Variants in ASTN2 observed in about 807,000 individuals in gnomAD.
ASTN2 encodes the protein astrotactin-2.
In ASTN2, 54 loss-of-function variants were observed where a neutral mutation model predicts 139.8. The ratio of observed to expected loss-of-function variants is 0.39; its 90% CI spans 0.31 to 0.48. ASTN2 has a LOEUF of 0.48. Ranked by LOEUF, ASTN2 falls within the 20% of genes least tolerant of loss-of-function variation. ASTN2 has a pLI of 0.95. For synonymous variants in ASTN2, 756 were observed against 719.5 expected (o/e 1.05, Z -0.81); for missense variants, 1,565 against 1,725.1 (o/e 0.91, Z 1.64).
At position 117,396,053 on chromosome 9, in the gene ASTN2, G is replaced by A. The variant is rs540943802; in HGVS notation, c.442+18444C>T. On this transcript the variant is annotated intron_variant, in intron 1 of 22. Coordinates refer to ENST00000313400, the MANE Select transcript of ASTN2 (RefSeq NM_001365068.1). ...TAGTGTGGGGTGCCTCCCTAAGAAG[G>A]CCACCCCAAAGCATGAGGACATCAA... Among the ~76,000 whole-genome samples, 3 of 152,190 alleles carry A rather than the reference G, an allele frequency of 2.0e-5. No individual in the cohort carries two copies. The East Asian group carries it at 5.8e-4, about 29-fold the overall frequency.
chr9:116,572,629 C>T (rs1309231788), intron 19 of ASTN2, among the ~76,000 whole-genome samples: 6 of 152,142 alleles, frequency 3.9e-5, no homozygotes, highest in African/African-American at 1.2e-4. Flanking sequence ...CATAAGCCAA[C>T]AAAATGTGTG....
intron 10 of ASTN2, among the ~76,000 whole-genome samples, chr9:116,874,991 C>G (rs990324470): frequency 3.3e-5 from 5 of 152,098 alleles, no homozygotes; most frequent in African/African-American, 1.2e-4. Flanking sequence ...AAATATAAGG[C>G]CTCCCTGTTT....
chr9:117,088,771 A>C (rs1403405847), intron 5 of ASTN2, among the ~76,000 whole-genome samples: 1 of 152,202 alleles, frequency 6.6e-6, no homozygotes, highest in Non-Finnish European at 1.5e-5. Context: ...CTGGATTTCT[A>C]TAACTGGCTG....
intron 1 of ASTN2, among the ~76,000 whole-genome samples, chr9:117,308,994 C>T (rs1162721627): frequency 6.6e-6 from 1 of 152,216 alleles, no homozygotes; most frequent in African/African-American, 2.4e-5. Flanking sequence ...GCTTTTACCA[C>T]TATGGGCATT....
At chr9:117,378,253 G>A (rs377148452) in intron 1 of ASTN2, among the ~76,000 whole-genome samples, 13 of 152,198 alleles carry the variant, frequency 8.5e-5, no homozygotes, top group African/African-American at 2.4e-4. Context: ...GGGTCAGGGA[G>A]TAGATCCAGG....
intron 19 of ASTN2, among the ~76,000 whole-genome samples, chr9:116,587,088 C>T (rs892129068): frequency 6.6e-6 from 1 of 152,222 alleles, no homozygotes; most frequent in African/African-American, 2.4e-5. Context: ...CGCCTGTAAT[C>T]CCAACACTTT....
chr9:117,358,825 G>A (rs10983634), intron 1 of ASTN2, among the ~76,000 whole-genome samples: 6,519 of 151,906 alleles, frequency 0.043, 233 homozygotes, highest in Non-Finnish European at 0.061. Flanking sequence ...TCATTCTGTC[G>A]TTCCTCTCCC....
intron 1 of ASTN2, among the ~76,000 whole-genome samples, chr9:117,389,584 C>T (rs1261889540): frequency 6.6e-6 from 1 of 152,088 alleles, no homozygotes; most frequent in Non-Finnish European, 1.5e-5. Context: ...TTAGCTCTTC[C>T]CCAGTGGTCT....
intron 1 of ASTN2, among the ~76,000 whole-genome samples, chr9:117,393,313 G>A (rs1332311118): frequency 6.6e-6 from 1 of 152,188 alleles, no homozygotes; most frequent in African/African-American, 2.4e-5. Context: ...GAGAACTTGA[G>A]ATTGTTGGGG....
At chr9:116,532,843 G>A (rs1484261459) in intron 19 of ASTN2, among the ~76,000 whole-genome samples, 2 of 152,044 alleles carry the variant, frequency 1.3e-5, no homozygotes, top group African/African-American at 2.4e-5. Flanking sequence ...TTGGCAATTC[G>A]GACTCTTTTT....
At chr9:117,055,595 A>C (rs1202506309) in intron 5 of ASTN2, among the ~76,000 whole-genome samples, 1 of 152,244 alleles carries the variant, frequency 6.6e-6, no homozygotes, top group Non-Finnish European at 1.5e-5. Context: ...GCAATCTATA[A>C]GAATATCAGA....
At position 116,524,759 on chromosome 9, in the gene ASTN2, G is replaced by T. The variant is rs1420052890; in HGVS notation, c.3356-37259C>A. ...CCCCTCACATGACTTTCACATGAAA[G>T]TTGGCATTCCTTCTCAGGGTTACAT... On this transcript the variant is annotated intron_variant, in intron 19 of 22. Transcript: ENST00000313400. Among the ~76,000 whole-genome samples, 3 of 152,320 alleles carry T rather than the reference G, an allele frequency of 2.0e-5. No individual in the cohort carries two copies. In the South Asian group the frequency reaches 6.2e-4, roughly 32 times the overall value.
At chr9:116,674,346 C>A (rs546828620) in intron 16 of ASTN2, among the ~76,000 whole-genome samples, 1 of 152,332 alleles carries the variant, frequency 6.6e-6, no homozygotes, top group South Asian at 2.1e-4. Context: ...CCAGGCCACA[C>A]ACAGAGTTGT....
intron 5 of ASTN2, among the ~76,000 whole-genome samples, chr9:117,044,627 C>CG (rs1449097286): frequency 3.3e-5 from 5 of 152,202 alleles, no homozygotes; most frequent in Admixed American, 2.0e-4. Flanking sequence ...TACTGCACTG[C>CG]TGTTGTAAGA....
In ASTN2 at chr9:117,414,286, G is replaced by A. The variant is rs1040795027; in HGVS notation, c.442+211C>T. ...GTTCCCACTGCGGGAGGGTTGGCACGCCCCCAGGCTCCCGCCGCGCGCTCT... is the reference window on the plus strand; with the variant it reads ...GTTCCCACTGCGGGAGGGTTGGCACACCCCCAGGCTCCCGCCGCGCGCTCT... On this transcript the variant is annotated intron_variant, in intron 1 of 22. Transcript: ENST00000313400. This position sits in a 1 kb window ranked among gnomAD's most constrained non-coding sequence, Gnocchi z 4.2. 5.9e-5 allele frequency among the ~76,000 whole-genome samples: 9 copies of A among 152,084 alleles called. No individual in the cohort carries two copies. The highest frequency in any genetic ancestry group is 1.2e-4 in the African/African-American group (5 of 41,440).
chr9:117,087,978 C>T (rs1438955402), intron 5 of ASTN2, among the ~76,000 whole-genome samples: 1 of 152,230 alleles, frequency 6.6e-6, no homozygotes, highest in African/African-American at 2.4e-5. Context: ...TTTGGCCTAG[C>T]TTCACCTGTT....
At chr9:116,536,898 T>C (rs1228763813) in intron 19 of ASTN2, among the ~76,000 whole-genome samples, 1 of 152,222 alleles carries the variant, frequency 6.6e-6, no homozygotes, top group Non-Finnish European at 1.5e-5. Flanking sequence ...GACAGGGACA[T>C]TTAAGTCTAC....
chr9:117,091,543 T>C (rs1828705872), intron 5 of ASTN2, among the ~76,000 whole-genome samples: 2 of 151,822 alleles, frequency 1.3e-5, no homozygotes, highest in African/African-American at 4.8e-5. Context: ...TTGCAGAAAA[T>C]ATGCCATTTA....
chr9:117,341,060 G>A (rs1229181464), intron 1 of ASTN2, among the ~76,000 whole-genome samples: 2 of 152,154 alleles, frequency 1.3e-5, no homozygotes, highest in Non-Finnish European at 2.9e-5. Context: ...TCAAAGTGAA[G>A]AGATATACAG....
Sources: gnomAD v4.1 joint callset for allele counts (sites outside exome capture counted in the v4.1 genomes callset) on GRCh38, gnomAD v4.1.1 for gene constraint, Gnocchi (gnomAD v3.1) non-coding constraint, MANE v1.5 for transcripts, NCBI Gene and HGNC (gene_info 2026-07-23, HGNC 2026-07-21) for gene names.